The following HK2 variants were observed in gnomAD, a reference collection of about 807,000 sequenced individuals.
HK2 encodes the protein hexokinase-2.
HK2 carries 42 observed loss-of-function variants against 92.9 expected under a neutral mutation model. That is an observed-to-expected ratio of 0.45 (90% CI 0.35 to 0.58). The LOEUF (loss-of-function observed/expected upper bound fraction) is 0.58. Ranked by LOEUF, HK2 falls within the 20% of genes least tolerant of loss-of-function variation. The pLI, the probability that HK2 is intolerant of heterozygous loss-of-function variation, is 0.00. For missense variants in HK2, 978 were observed against 1,245.1 expected, an observed-to-expected ratio of 0.79 and a Z score of 3.23; for synonymous variants, 422 against 468.0, an observed-to-expected ratio of 0.90 and a Z score of 1.27.
chr2:74,868,032 T>C (rs1408553093), intron 3 of HK2: 6 of 472,530 alleles, frequency 1.3e-5, no homozygotes, highest in Non-Finnish European at 2.4e-5. Flanking sequence ...AGTAAGACGC[T>C]GTTCAGTGTT....
Position 74,881,856 on chromosome 2 carries a change from C to T in HK2, c.1716C>T (p.Asp572=), listed in dbSNP as rs201788789. 5.1e-5 allele frequency: 83 copies of T among 1,614,124 alleles called. No homozygotes were observed. The highest frequency in any genetic ancestry group is 6.4e-5 in the Non-Finnish European group (75 of 1,179,994). Residue 572 remains aspartate, a synonymous_variant, in exon 11 of 18, where the codon GAC becomes GAT. Transcript: ENST00000290573. Reference sequence around the variant, plus strand: ...AGGAGGTCATGCACGGCACCGGGGACGAGGTGAGCAGGGCGGCGCCTTCAG... The same window carrying T: ...AGGAGGTCATGCACGGCACCGGGGATGAGGTGAGCAGGGCGGCGCCTTCAG... ...IPQEVMHGTG[D]ELFDHIVQCI...
At chr2:74,872,715 C>A (rs1249555611) in intron 4 of HK2, among the ~76,000 whole-genome samples, 1 of 152,094 alleles carries the variant, frequency 6.6e-6, no homozygotes, top group African/African-American at 2.4e-5. Flanking sequence ...ATGATAAAGA[C>A]CCTTGGAAGA....
At chr2:74,881,935 G>T in intron 11 of HK2, 76 bp downstream of exon 11, 2 of 1,548,494 alleles carry the variant, frequency 1.3e-6, no homozygotes. Flanking sequence ...TGCTTTCTCT[G>T]CTCATCTGTG....
chr2:74,843,118 G>A (rs959310976), intron 1 of HK2, among the ~76,000 whole-genome samples: 2 of 152,126 alleles, frequency 1.3e-5, no homozygotes, highest in Admixed American at 6.5e-5. Context: ...CACAGGACCC[G>A]CCATGATAGG....
At chr2:74,857,797 A>G (rs995106662) in intron 2 of HK2, among the ~76,000 whole-genome samples, 2 of 152,172 alleles carry the variant, frequency 1.3e-5, no homozygotes, top group African/African-American at 4.8e-5. Context: ...CAAAAATGAA[A>G]ATTCTCTATT....
At chr2:74,867,303 C>T (rs917548850) in intron 2 of HK2, among the ~76,000 whole-genome samples, 5 of 151,832 alleles carry the variant, frequency 3.3e-5, no homozygotes, top group Admixed American at 1.3e-4. Context: ...TGTTCTCACT[C>T]ATAATTGGGA....
intron 2 of HK2, among the ~76,000 whole-genome samples, chr2:74,857,791 A>G (rs1573366987): frequency 6.6e-6 from 1 of 152,332 alleles, no homozygotes; most frequent in East Asian, 1.9e-4. Flanking sequence ...GACTATCAAA[A>G]ATGAAAATTC....
At chr2:74,865,652 G>A (rs1030676260) in intron 2 of HK2, among the ~76,000 whole-genome samples, 8 of 152,096 alleles carry the variant, frequency 5.3e-5, no homozygotes, top group African/African-American at 9.7e-5. Flanking sequence ...TAGCTAGCCC[G>A]CAGCTGTAGC....
rs1341172370 is a variant in HK2, at chr2:74,881,735, A to G, written c.1595A>G (p.Asp532Gly). 1.2e-6 allele frequency: 2 copies of G among 1,614,140 alleles called. No individual in the cohort carries two copies. The highest frequency in any genetic ancestry group is 2.2e-5 in the South Asian group (2 of 91,072). Residue 532 changes from aspartate to glycine, a missense_variant, in exon 11 of 18, where the codon GAC (aspartate) becomes GGC (glycine). This residue lies in a region of HK2 where 742 missense variants were observed against 922.5 expected (regional missense o/e 0.80). Transcript: ENST00000290573. ...GAGAAAGGGGACTTCTTGGCCTTGG[A>G]CCTTGGAGGAACAAATTTCCGGGTC... ...GTEKGDFLALDLGGTNFRVLL... is the reference protein window; with the variant it reads ...GTEKGDFLALGLGGTNFRVLL...
intron 16 of HK2, among the ~76,000 whole-genome samples, chr2:74,888,834 A>C (rs1455438315): frequency 6.6e-6 from 1 of 152,208 alleles, no homozygotes; most frequent in Non-Finnish European, 1.5e-5. Flanking sequence ...CACCCAGAGC[A>C]GCAGAGCAGA....
At position 74,882,134 on chromosome 2, in the gene HK2, T is replaced by C. The variant is rs1281367303; in HGVS notation, c.1734T>C (p.Ile578=). Residue 578 remains isoleucine, a synonymous_variant, in exon 12 of 18, where the codon ATT becomes ATC. Transcript: ENST00000290573. ...HGTGDELFDH[I]VQCIADFLEY... ...TCTCCCTGCAGCTCTTTGACCACAT[T>C]GTCCAGTGCATCGCGGACTTCCTCG... 5 of 1,614,212 alleles carry C rather than the reference T, an allele frequency of 3.1e-6. No homozygotes were observed. Among genetic ancestry groups the C allele is most frequent in the Non-Finnish European group, 4.2e-6 (5 of 1,180,036 alleles).
intron 13 of HK2, 67 bp from the exon 14 acceptor site, chr2:74,886,227 T>C: frequency 9.1e-7 from 1 of 1,095,820 alleles, no homozygotes; most frequent in Non-Finnish European, 1.4e-6. Flanking sequence ...AAATCTCCCA[T>C]GCAATTGTCT....
chr2:74,881,957 G>T, intron 11 of HK2, 98 bp downstream of exon 11: 1 of 1,479,468 alleles, frequency 6.8e-7, no homozygotes. Flanking sequence ...CCCTGGGGAG[G>T]GCTAGCTGGA....
rs79202324 is a variant in HK2, at chr2:74,855,846, G to A, written c.226+1391G>A. ...AAAGAGTATTCAAGGGTGGGGCCCGGCTGTTGAGCCCAGCTGCCTGGGAAT... is the reference window on the plus strand; with the variant it reads ...AAAGAGTATTCAAGGGTGGGGCCCGACTGTTGAGCCCAGCTGCCTGGGAAT... On this transcript the variant is annotated intron_variant, in intron 2 of 17. Coordinates refer to ENST00000290573, the MANE Select transcript of HK2 (RefSeq NM_000189.5). 7.7e-3 allele frequency among the ~76,000 whole-genome samples: 1,174 copies of A among 152,262 alleles called. 14 individuals are homozygous for A. Among genetic ancestry groups the A allele is most frequent in the East Asian group, 0.066 (342 of 5,170 alleles).
At position 74,882,106 on chromosome 2, in the gene HK2, A is replaced by G; in HGVS notation, c.1720-14A>G. 6.2e-7 allele frequency: 1 copy of G among 1,613,820 alleles called. No homozygotes were observed. Among genetic ancestry groups the G allele is most frequent in the Non-Finnish European group, 8.5e-7 (1 of 1,179,910 alleles). ...CCAGGGCCCCTCCCTCAGTGTCCTA[A>G]CTTCTCCCTGCAGCTCTTTGACCAC... On this transcript the variant is annotated splice_polypyrimidine_tract_variant and intron_variant, in intron 11 of 17. Transcript: ENST00000290573.
intron 1 of HK2, among the ~76,000 whole-genome samples, chr2:74,848,179 T>C (rs1404307951): frequency 2.0e-5 from 3 of 152,186 alleles, no homozygotes; most frequent in Non-Finnish European, 2.9e-5. Context: ...TCAGGCCACT[T>C]AAATCTGTGA....
At position 74,834,658 on chromosome 2, in the gene HK2, G is replaced by A. The variant is rs1050762083; in HGVS notation, c.63+15G>A. 5.0e-6 allele frequency: 8 copies of A among 1,613,912 alleles called. No individual in the cohort carries two copies. Among genetic ancestry groups the A allele is most frequent in the South Asian group, 2.2e-5 (2 of 91,084 alleles). Reference sequence around the variant, plus strand: ...AAGTGCAGAAGGTAAGTCAGCGCGGGCGGGGCGGCAGGCTGGGCTCTGGCA... The same window carrying A: ...AAGTGCAGAAGGTAAGTCAGCGCGGACGGGGCGGCAGGCTGGGCTCTGGCA... On this transcript the variant is annotated intron_variant, in intron 1 of 17. Coordinates refer to ENST00000290573, the MANE Select transcript of HK2 (RefSeq NM_000189.5). This position sits in a 1 kb window ranked among gnomAD's most constrained non-coding sequence, Gnocchi z 4.2.
Position 74,834,718 on chromosome 2 carries a change from C to A in HK2, c.63+75C>A. 2 of 1,491,902 alleles carry A rather than the reference C, an allele frequency of 1.3e-6. No individual in the cohort carries two copies. Among genetic ancestry groups the A allele is most frequent in the Non-Finnish European group, 1.9e-6 (2 of 1,069,408 alleles). The allele number at this position is 1,491,902 out of a possible 1,614,324, so 92.4% of individuals were successfully genotyped here. On this transcript the variant is annotated intron_variant, in intron 1 of 17. Transcript: ENST00000290573. This position sits in a 1 kb window ranked among gnomAD's most constrained non-coding sequence, Gnocchi z 4.2. ...GGCCTCCATCAGTCTCTTCCTCGAC[C>A]CTGCGGGGACCCGCTTCCTCCCTAC... is the stretch of plus-strand genomic sequence containing the variant.
intron 12 of HK2, among the ~76,000 whole-genome samples, chr2:74,884,333 C>T (rs1689470783): frequency 6.6e-6 from 1 of 152,244 alleles, no homozygotes; most frequent in African/African-American, 2.4e-5. Flanking sequence ...GAAATCCCAC[C>T]AGTGCAGAGG....
Sources: gnomAD v4.1 joint callset for allele counts (sites outside exome capture counted in the v4.1 genomes callset) on GRCh38, gnomAD v4.1.1 for gene constraint, gnomAD v4.1.1 regional missense constraint, Gnocchi (gnomAD v3.1) non-coding constraint, MANE v1.5 for transcripts, NCBI Gene and HGNC (gene_info 2026-07-23, HGNC 2026-07-21) for gene names.